BLM: variants seen among roughly 807,000 people sequenced by gnomAD.
The protein encoded by BLM is BLM RecQ like helicase.
A neutral mutation model predicts 135.3 loss-of-function variants in BLM; 95 were observed. The ratio of observed to expected loss-of-function variants is 0.70; its 90% confidence interval spans 0.59 to 0.83. The LOEUF is 0.83. BLM is among the 40% of genes least tolerant of loss of function. The pLI is 0.00. For missense variants in BLM, 1,518 were observed against 1,663.9 expected (o/e 0.91, Z 1.53); for synonymous variants, 520 against 589.2 (o/e 0.88, Z 1.70).
chr15:90,765,848 C>T (rs747435933), intron 9 of BLM, among the ~76,000 whole-genome samples: 4 of 152,186 alleles, frequency 2.6e-5, no homozygotes, highest in Non-Finnish European at 4.4e-5. Context: ...GGTGGTGGCT[C>T]ATGCCTGTAA....
intron 1 of BLM, among the ~76,000 whole-genome samples, chr15:90,738,366 G>C (rs1265273312): frequency 1.3e-5 from 2 of 152,136 alleles, no homozygotes; most frequent in Admixed American, 6.5e-5. Flanking sequence ...TTGAGCCTAG[G>C]AGTTGGAGAC....
rs188090011 is a variant in BLM, at chr15:90,803,133, A to C, written c.3359-388A>C. On this transcript the variant is annotated intron_variant, in intron 17 of 21. Transcript: ENST00000355112. ...AACCATGATTGCACCACTGCACTCC[A>C]ACCTCCACAATAGAGTGAGACCCTG... is the stretch of plus-strand genomic sequence containing the variant. Among the ~76,000 whole-genome samples the C allele has an allele frequency of 1.4e-4, 21 of 151,446 alleles. No individual in the cohort carries two copies. In the East Asian group the frequency reaches 3.9e-3, roughly 28 times the overall value.
chr15:90,728,472 C>T (rs1174443184), intron 1 of BLM, among the ~76,000 whole-genome samples: 2 of 152,198 alleles, frequency 1.3e-5, no homozygotes, highest in Admixed American at 1.3e-4. Context: ...TCTCAGCTCA[C>T]CGCAACCACC....
chr15:90,758,783 G>T (rs1895885330), intron 5 of BLM, among the ~76,000 whole-genome samples: 1 of 152,224 alleles, frequency 6.6e-6, no homozygotes, highest in Non-Finnish European at 1.5e-5. Flanking sequence ...TGGAAAAAGG[G>T]AGGTACTTTT....
chr15:90,792,405 C>T (rs1047013709), intron 15 of BLM, among the ~76,000 whole-genome samples: 12 of 151,528 alleles, frequency 7.9e-5, no homozygotes, highest in African/African-American at 2.7e-4. Flanking sequence ...TATGCCCAGC[C>T]GAGACCACTT....
At chr15:90,755,559 C>T (rs575274767) in intron 5 of BLM, among the ~76,000 whole-genome samples, 1 of 152,140 alleles carries the variant, frequency 6.6e-6, no homozygotes, top group East Asian at 1.9e-4. Flanking sequence ...AAACGACAGT[C>T]CCCCTTCCCA....
At chr15:90,805,900 G>A (rs1483261622) in intron 19 of BLM, among the ~76,000 whole-genome samples, 3 of 151,952 alleles carry the variant, frequency 2.0e-5, no homozygotes, top group South Asian at 2.1e-4. Flanking sequence ...GCTTTGTAGT[G>A]TTTAGCTGTG....
chr15:90,722,612 A>T (rs1894799993), intron 1 of BLM, among the ~76,000 whole-genome samples: 1 of 152,192 alleles, frequency 6.6e-6, no homozygotes, highest in Non-Finnish European at 1.5e-5. Context: ...AAATAATTTA[A>T]AAAAAGTTAC....
chr15:90,798,665 C>A (rs1897090410), intron 17 of BLM, among the ~76,000 whole-genome samples: 1 of 148,518 alleles, frequency 6.7e-6, no homozygotes, highest in Non-Finnish European at 1.5e-5. Flanking sequence ...AGGAGAGAGA[C>A]TATTATCAGA....
At chr15:90,814,214 A>G (rs1567068356) in intron 21 of BLM, among the ~76,000 whole-genome samples, 1 of 152,172 alleles carries the variant, frequency 6.6e-6, no homozygotes, top group Non-Finnish European at 1.5e-5. Flanking sequence ...ACGGGAGGCT[A>G]CTTGTATGCC....
At chr15:90,756,459 G>A (rs2151153770) in intron 5 of BLM, among the ~76,000 whole-genome samples, 1 of 152,306 alleles carries the variant, frequency 6.6e-6, no homozygotes, top group East Asian at 1.9e-4. Flanking sequence ...TAAGGTACAG[G>A]AGCGTTAAAT....
intron 17 of BLM, among the ~76,000 whole-genome samples, chr15:90,800,253 T>C (rs28533613): frequency 6.6e-6 from 1 of 152,194 alleles, no homozygotes; most frequent in Non-Finnish European, 1.5e-5. Flanking sequence ...TCAGCAATCC[T>C]GGAGACTAGC....
chr15:90,788,048 T>C (rs1473937186), intron 14 of BLM, among the ~76,000 whole-genome samples: 1 of 151,952 alleles, frequency 6.6e-6, no homozygotes, highest in East Asian at 1.9e-4. Flanking sequence ...TGACTCAGTC[T>C]CAGTGGAGAC....
At chr15:90,726,502 A>G (rs1031654631) in intron 1 of BLM, among the ~76,000 whole-genome samples, 4 of 151,998 alleles carry the variant, frequency 2.6e-5, no homozygotes, top group African/African-American at 9.7e-5. Flanking sequence ...TCCTGACCTC[A>G]GGTGATCCAC....
At chr15:90,786,336 G>T (rs72751852) in intron 14 of BLM, among the ~76,000 whole-genome samples, 24,302 of 151,998 alleles carry the variant, frequency 0.16, 2,010 homozygotes, top group Non-Finnish European at 0.19. Flanking sequence ...GAGCATTCAC[G>T]TACAAGTTTT....
intron 1 of BLM, among the ~76,000 whole-genome samples, chr15:90,740,244 T>C (rs555470244): frequency 6.6e-5 from 10 of 152,300 alleles, no homozygotes; most frequent in African/African-American, 2.2e-4. Context: ...AATCCTCTCA[T>C]CTTTCCCAAC....
rs115764793 is a variant in BLM at position 90,785,146 on chromosome 15, C to G, written c.2823+65C>G. On this transcript the variant is annotated intron_variant, in intron 14 of 21. Transcript: ENST00000355112. ...TTTATAGCATATAACCAAACATGCA[C>G]ATGTAGAATGCAAACTGTTTTTACC... 7 of 1,504,612 alleles carry G rather than the reference C, an allele frequency of 4.7e-6. No homozygotes were observed. In the African/African-American group the frequency reaches 8.4e-5, roughly 18 times the overall value. 93.2% of individuals were successfully genotyped at this position (1,504,612 alleles called of 1,614,324 possible). A position where few individuals can be genotyped will look rare whatever the true frequency, so the allele number is the denominator to read the frequency against.
At chr15:90,792,469 C>T (rs1378845171) in intron 15 of BLM, among the ~76,000 whole-genome samples, 2 of 151,982 alleles carry the variant, frequency 1.3e-5, no homozygotes, top group Non-Finnish European at 1.5e-5. Flanking sequence ...TTACCAAGCA[C>T]TGTGCCCAAC....
intron 4 of BLM, among the ~76,000 whole-genome samples, chr15:90,752,988 G>C (rs1022615484): frequency 1.3e-5 from 2 of 152,162 alleles, no homozygotes; most frequent in Admixed American, 1.3e-4. Flanking sequence ...ATTCCTTGTT[G>C]AATGCCTGGC....
Sources: gnomAD v4.1 joint callset for allele counts (sites outside exome capture counted in the v4.1 genomes callset) on GRCh38, gnomAD v4.1.1 for gene constraint, MANE v1.5 for transcripts, NCBI Gene and HGNC (gene_info 2026-07-23, HGNC 2026-07-21) for gene names.